Variants in CCDC93 observed in about 807,000 individuals in gnomAD.
CCDC93 encodes coiled-coil domain-containing protein 93.
A neutral mutation model predicts 108.2 loss-of-function variants in CCDC93; 61 were observed. The ratio of observed to expected loss-of-function variants is 0.56; its 90% CI spans 0.46 to 0.70. The LOEUF is 0.70. Among genes scored for constraint, CCDC93 ranks in the 30% least tolerant of loss-of-function variants. CCDC93 has a pLI of 0.00. For synonymous variants in CCDC93, 276 were observed against 260.4 expected, an observed-to-expected ratio of 1.06 and a Z score of -0.58; for missense variants, 685 against 764.2, an observed-to-expected ratio of 0.90 and a Z score of 1.22.
intron 6 of CCDC93, among the ~76,000 whole-genome samples, chr2:117,987,279 A>C (rs958717253): frequency 1.3e-5 from 2 of 152,140 alleles, no homozygotes; most frequent in Non-Finnish European, 2.9e-5. Context: ...GACACTGAAT[A>C]ATTTGTCCAA....
intron 11 of CCDC93, among the ~76,000 whole-genome samples, chr2:117,964,880 G>A (rs1403517585): frequency 2.6e-5 from 4 of 152,212 alleles, no homozygotes; most frequent in Admixed American, 2.6e-4. Flanking sequence ...TTGGATTACA[G>A]GCGTGAGCCT....
At chr2:117,990,049 T>C (rs1680430298) in intron 6 of CCDC93, among the ~76,000 whole-genome samples, 1 of 152,172 alleles carries the variant, frequency 6.6e-6, no homozygotes, top group African/African-American at 2.4e-5. Context: ...ACCAAAAAAA[T>C]GCTGACAAAT....
At chr2:117,994,330 T>A (rs1680576897) in intron 6 of CCDC93, among the ~76,000 whole-genome samples, 1 of 152,212 alleles carries the variant, frequency 6.6e-6, no homozygotes, top group African/African-American at 2.4e-5. Context: ...TTTTTTCTTG[T>A]TATTGTTTAA....
intron 7 of CCDC93, among the ~76,000 whole-genome samples, chr2:117,981,512 C>T (rs556313787): frequency 1.3e-5 from 2 of 152,326 alleles, no homozygotes; most frequent in South Asian, 2.1e-4. Flanking sequence ...TTGCTACCTA[C>T]ACTGTTAGCA....
At chr2:117,965,641 G>A (rs1036799332) in intron 11 of CCDC93, among the ~76,000 whole-genome samples, 1 of 152,158 alleles carries the variant, frequency 6.6e-6, no homozygotes, top group Non-Finnish European at 1.5e-5. Flanking sequence ...GCACCCGGCA[G>A]CCACTTTATA....
chr2:117,970,921 C>A (rs531420008), intron 11 of CCDC93, among the ~76,000 whole-genome samples: 70 of 152,314 alleles, frequency 4.6e-4, no homozygotes, highest in Non-Finnish European at 6.8e-4. Flanking sequence ...AATCATCCAA[C>A]ACCTAGAAAA....
chr2:117,961,221 A>G (rs1366018635), intron 11 of CCDC93, among the ~76,000 whole-genome samples: 2 of 152,098 alleles, frequency 1.3e-5, no homozygotes, highest in African/African-American at 4.8e-5. Flanking sequence ...CCATACAGAG[A>G]GAAAATGCTC....
chr2:117,938,365 C>T (rs1678586815), intron 20 of CCDC93, among the ~76,000 whole-genome samples: 1 of 152,144 alleles, frequency 6.6e-6, no homozygotes, highest in Admixed American at 6.5e-5. Context: ...TTGTCATCAA[C>T]TTGGGAAAGC....
intron 19 of CCDC93, 109 bp downstream of exon 19, chr2:117,941,080 G>A: frequency 1.3e-6 from 1 of 748,408 alleles, no homozygotes; most frequent in South Asian, 1.6e-5. Flanking sequence ...TTCCGGTGGT[G>A]GCCTTTGTGG....
chr2:117,994,722 C>T (rs1049832892), intron 6 of CCDC93, among the ~76,000 whole-genome samples: 1 of 152,100 alleles, frequency 6.6e-6, no homozygotes, highest in African/African-American at 2.4e-5. Context: ...CATATTAATA[C>T]AAGAAACTAT....
chr2:117,978,482 T>TA (rs1680012785), intron 7 of CCDC93, among the ~76,000 whole-genome samples: 1 of 152,122 alleles, frequency 6.6e-6, no homozygotes, highest in South Asian at 2.1e-4. Context: ...ATGATGCCAA[T>TA]AATGTGTACT....
At chr2:118,011,936 T>C (rs1472188761) in intron 1 of CCDC93, among the ~76,000 whole-genome samples, 1 of 152,226 alleles carries the variant, frequency 6.6e-6, no homozygotes, top group South Asian at 2.1e-4. Flanking sequence ...AGACCCTCTC[T>C]TGAAGCAATA....
At chr2:117,936,920 C>T (rs1678545686) in intron 20 of CCDC93, 181 bp from the exon 21 acceptor site, 1 of 594,054 alleles carries the variant, frequency 1.7e-6, no homozygotes, top group African/African-American at 1.9e-5. Context: ...TCACAGATTT[C>T]CTCAGGGAAT....
At chr2:117,923,659 T>C (rs577005142) in intron 23 of CCDC93, among the ~76,000 whole-genome samples, 1 of 118,904 alleles carries the variant, frequency 8.4e-6, no homozygotes, top group African/African-American at 3.7e-5. Context: ...CAAGGAGGCC[T>C]GCCTGCCTGC....
In CCDC93 at chr2:117,939,080, G is replaced by A; in HGVS notation, c.1554C>T (p.Phe518=). Residue 518 remains phenylalanine, a synonymous_variant, in exon 20 of 24, where the codon TTC becomes TTT. Transcript: ENST00000376300. Reference sequence around the variant, plus strand: ...CATCCAGGGTATTATATAAAGTGAAGAACTGCTTGGTTTCTTTGTGCACTG... The same window carrying A: ...CATCCAGGGTATTATATAAAGTGAAAAACTGCTTGGTTTCTTTGTGCACTG... ...ISAVHKETKQ[F]FTLYNTLDDK... 1 of 1,607,376 alleles carries A rather than the reference G, an allele frequency of 6.2e-7. No individual in the cohort carries two copies. Among genetic ancestry groups the A allele is most frequent in the South Asian group, 1.1e-5 (1 of 90,724 alleles).
intron 12 of CCDC93, among the ~76,000 whole-genome samples, chr2:117,955,213 CAGAT>C (rs1175779273): frequency 6.6e-6 from 1 of 152,132 alleles, no homozygotes; most frequent in African/African-American, 2.4e-5. Flanking sequence ...CTATTACTGA[CAGAT>C]AGATGTCTGT....
At chr2:117,950,924 T>G (rs1313393697) in intron 13 of CCDC93, 1 of 985,320 alleles carries the variant, frequency 1.0e-6, no homozygotes, top group African/African-American at 1.7e-5. Context: ...GAACGACGAC[T>G]GCAGGAATGA....
At chr2:117,976,556 T>G (rs1239413635) in intron 8 of CCDC93, among the ~76,000 whole-genome samples, 1 of 152,210 alleles carries the variant, frequency 6.6e-6, no homozygotes, top group Non-Finnish European at 1.5e-5. Flanking sequence ...TAATAATGTT[T>G]ATTAAATGTT....
At chr2:117,925,217 T>C (rs1248247873) in intron 23 of CCDC93, among the ~76,000 whole-genome samples, 8 of 152,166 alleles carry the variant, frequency 5.3e-5, no homozygotes, top group Non-Finnish European at 1.2e-4. Flanking sequence ...CATCAACTAA[T>C]GAGCAAAATA....
Sources: allele counts gnomAD v4.1 joint callset (sites outside exome capture counted in the v4.1 genomes callset), GRCh38; gene constraint gnomAD v4.1.1; transcripts MANE v1.5; gene names NCBI Gene and HGNC (gene_info 2026-07-23, HGNC 2026-07-21).